Variants in IREB2 observed in about 807,000 individuals in gnomAD.
IREB2 encodes the protein iron-responsive element-binding protein 2.
A neutral mutation model predicts 118.8 loss-of-function variants in IREB2; 39 were observed. That is an observed-to-expected ratio of 0.33 (90% CI 0.25 to 0.43). The LOEUF is 0.43. IREB2 is among the 20% of genes least tolerant of loss of function. The probability of loss-of-function intolerance (pLI) is 1.00; values close to 1 mark genes in which losing one functional copy is unlikely to be tolerated. For missense variants in IREB2, 900 were observed against 1,147.3 expected (o/e 0.78, Z 3.11); for synonymous variants, 372 against 392.2 (o/e 0.95, Z 0.61).
chr15:78,494,443 A>G (rs1230122255), intron 20 of IREB2, among the ~76,000 whole-genome samples, 179 bp downstream of exon 20: 1 of 152,188 alleles, frequency 6.6e-6, no homozygotes, highest in Non-Finnish European at 1.5e-5. Context: ...GTACTCATCT[A>G]GTTAGTATCA....
intron 4 of IREB2, 33 bp downstream of exon 4, chr15:78,465,421 G>A (rs1425829460): frequency 6.4e-7 from 1 of 1,574,256 alleles, no homozygotes; most frequent in Non-Finnish European, 8.7e-7. Flanking sequence ...AGACAGCCAT[G>A]CAAGTTAATT....
rs1041096900 is a variant in IREB2, at chr15:78,490,660, T to C, written c.2223T>C (p.His741=). 5 of 1,614,000 alleles carry C rather than the reference T, an allele frequency of 3.1e-6. No homozygotes were observed. Among genetic ancestry groups the C allele is most frequent in the East Asian group, 2.2e-5 (1 of 44,894 alleles). The change falls in exon 18 of 22, where the codon CAT becomes CAC. Residue 741 remains histidine, a synonymous_variant. Transcript: ENST00000258886. ...CACTCCAGGCTATTGAAAATGCCCA[T>C]GTCTTATTATATTTGGGAGACTCTG... ...PIALQAIENA[H]VLLYLGDSVT...
rs532993851 is a variant in IREB2 at position 78,495,755 on chromosome 15, A to G, written c.2596-1371A>G. 3.9e-5 allele frequency among the ~76,000 whole-genome samples: 6 copies of G among 152,342 alleles called. No individual in the cohort carries two copies. In the East Asian group the frequency reaches 1.2e-3, roughly 29 times the overall value. On this transcript the variant is annotated intron_variant, in intron 20 of 21. Coordinates refer to ENST00000258886, the MANE Select transcript of IREB2 (RefSeq NM_004136.4). ...AAAAATTGGTCCTCAGGTGGTAAAA[A>G]AAATTCTACTTTTTGCACATAAAGT...
intron 1 of IREB2, chr15:78,438,972 A>C (rs1017669755): frequency 2.0e-5 from 3 of 152,140 alleles, no homozygotes; most frequent in Non-Finnish European, 4.4e-5. Context: ...GGCTGTGCTT[A>C]TGTTTTCTCC....
chr15:78,491,822 A>G (rs1265279001), intron 18 of IREB2, among the ~76,000 whole-genome samples: 1 of 152,204 alleles, frequency 6.6e-6, no homozygotes, highest in Non-Finnish European at 1.5e-5. Context: ...TTGTGTTGAC[A>G]TGTGATAATA....
chr15:78,444,013 CAT>C (rs1198149209), intron 2 of IREB2, among the ~76,000 whole-genome samples: 4 of 151,968 alleles, frequency 2.6e-5, no homozygotes, highest in Admixed American at 2.6e-4. Context: ...TGACTAGAAA[CAT>C]GTCAAAATCT....
At position 78,498,972 on chromosome 15, in the gene IREB2, T is replaced by C. The variant is rs1289356985; in HGVS notation, c.*829T>C. On this transcript the variant is annotated 3_prime_UTR_variant, in exon 22 of 22. Transcript: ENST00000258886. ...TGTAACTTCCTATAACCTAATATTT[T>C]CGGTATCATTAACCAAAATTTCACA... The C allele has an allele frequency of 1.3e-5, 2 of 152,238 alleles. No homozygotes were observed. Among genetic ancestry groups the C allele is most frequent in the Non-Finnish European group, 2.9e-5 (2 of 68,040 alleles). 9.4% of individuals were successfully genotyped at this position (152,238 alleles called of 1,614,324 possible).
intron 2 of IREB2, among the ~76,000 whole-genome samples, chr15:78,442,651 A>G (rs908370767): frequency 3.9e-5 from 6 of 152,244 alleles, no homozygotes; most frequent in African/African-American, 7.2e-5. Flanking sequence ...TTGCTGTCCA[A>G]TGACTTTAAG....
intron 2 of IREB2, among the ~76,000 whole-genome samples, chr15:78,454,550 T>A (rs1319577531): frequency 6.6e-6 from 1 of 152,144 alleles, no homozygotes; most frequent in Non-Finnish European, 1.5e-5. Context: ...GAGAGATCTG[T>A]TGGGATGATG....
chr15:78,465,231 G>A lies in IREB2; in HGVS notation c.273-20G>A. On this transcript the variant is annotated intron_variant, in intron 3 of 21. Transcript: ENST00000258886. ...TAAAAAACAATTTGGACTATAATTTGACCATTCTTTATTTTTTAGTGGAAT... is the reference window on the plus strand; with the variant it reads ...TAAAAAACAATTTGGACTATAATTTAACCATTCTTTATTTTTTAGTGGAAT... 6.3e-7 allele frequency: 1 copy of A among 1,590,062 alleles called. No homozygotes were observed. The highest frequency in any genetic ancestry group is 1.2e-5 in the South Asian group (1 of 86,900).
chr15:78,457,529 A>G (rs1197347434), intron 2 of IREB2, among the ~76,000 whole-genome samples: 1 of 152,146 alleles, frequency 6.6e-6, no homozygotes, highest in Non-Finnish European at 1.5e-5. Context: ...TTCATTTGGA[A>G]TTTTGAAGGC....
intron 2 of IREB2, among the ~76,000 whole-genome samples, chr15:78,448,306 G>T (rs187604286): frequency 6.6e-6 from 1 of 152,136 alleles, no homozygotes; most frequent in East Asian, 1.9e-4. Context: ...CACCACGCCC[G>T]GCTGATTTCT....
At chr15:78,480,813 T>C (rs993367616) in intron 10 of IREB2, among the ~76,000 whole-genome samples, 3 of 150,476 alleles carry the variant, frequency 2.0e-5, no homozygotes, top group African/African-American at 7.3e-5. Flanking sequence ...GTCCAGACCA[T>C]CCTGGGTAAC....
At chr15:78,497,072 C>A in intron 20 of IREB2, 54 bp from the exon 21 acceptor site, 3 of 1,432,196 alleles carry the variant, frequency 2.1e-6, no homozygotes, top group South Asian at 2.4e-5. Context: ...TTTAAATGCT[C>A]AATAAATAAC....
At chr15:78,467,896 A>G (rs1277567896) in intron 5 of IREB2, among the ~76,000 whole-genome samples, 3 of 152,024 alleles carry the variant, frequency 2.0e-5, no homozygotes, top group Admixed American at 6.6e-5. Flanking sequence ...GTCTCACTCT[A>G]TTGCCTGGGC....
chr15:78,494,108 T>G, intron 19 of IREB2, 34 bp from the exon 20 acceptor site: 1 of 1,612,946 alleles, frequency 6.2e-7, no homozygotes. Flanking sequence ...TCAAAATTTG[T>G]ATTAAAAAAT....
At chr15:78,460,497 C>A (rs760018327) in intron 2 of IREB2, among the ~76,000 whole-genome samples, 5 of 152,138 alleles carry the variant, frequency 3.3e-5, no homozygotes, top group South Asian at 4.1e-4. Context: ...TTTTGATGCT[C>A]AGATTGACCC....
intron 2 of IREB2, among the ~76,000 whole-genome samples, chr15:78,455,119 A>C (rs1392324353): frequency 6.6e-6 from 1 of 152,198 alleles, no homozygotes; most frequent in Non-Finnish European, 1.5e-5. Flanking sequence ...GTAAAAGAAC[A>C]AAGAGGAAAT....
intron 8 of IREB2, chr15:78,475,132 A>G (rs943132579): frequency 2.0e-5 from 3 of 150,488 alleles, no homozygotes; most frequent in Non-Finnish European, 4.4e-5. Context: ...GAGTTTCTGT[A>G]TCTATAAAAA....
Sources: allele counts gnomAD v4.1 joint callset (sites outside exome capture counted in the v4.1 genomes callset), GRCh38; gene constraint gnomAD v4.1.1; transcripts MANE v1.5; gene names NCBI Gene and HGNC (gene_info 2026-07-23, HGNC 2026-07-21).